The following EPS8 variants were observed in gnomAD, a reference collection of about 807,000 sequenced individuals.
The protein encoded by EPS8 is EGFR pathway substrate 8, signaling adaptor.
Under a neutral mutation model 103.8 loss-of-function variants are expected in EPS8, and 42 were observed. That is an observed-to-expected ratio of 0.40 (90% CI 0.32 to 0.52). The LOEUF is 0.52. Among genes scored for constraint, EPS8 ranks in the 20% least tolerant of loss-of-function variants. The pLI is 0.40. For synonymous variants in EPS8, 344 were observed against 344.6 expected (o/e 1.00, Z 0.02); for missense variants, 969 against 1,005.1 (o/e 0.96, Z 0.49).
At chr12:15,677,009 G>A (rs2135871831) in intron 3 of EPS8, among the ~76,000 whole-genome samples, 1 of 152,216 alleles carries the variant, frequency 6.6e-6, no homozygotes, top group South Asian at 2.1e-4. Flanking sequence ...GCATTATAGG[G>A]AGTGACATAT....
intron 13 of EPS8, among the ~76,000 whole-genome samples, chr12:15,652,557 A>C (rs1945433546): frequency 6.6e-6 from 1 of 152,174 alleles, no homozygotes; most frequent in African/African-American, 2.4e-5. Context: ...TGTACCCTGA[A>C]AATATGTACA....
At chr12:15,664,889 T>C (rs960105530) in intron 8 of EPS8, 1 of 152,160 alleles carries the variant, frequency 6.6e-6, no homozygotes, top group Admixed American at 6.5e-5. Flanking sequence ...ACATTTCAGA[T>C]TCTAGTAAAA....
intron 12 of EPS8, among the ~76,000 whole-genome samples, chr12:15,655,256 C>T (rs1400887293): frequency 6.6e-6 from 1 of 152,122 alleles, no homozygotes; most frequent in Non-Finnish European, 1.5e-5. Context: ...AGTGTAACTC[C>T]GATGTACCAC....
At chr12:15,644,652 C>T (rs577668595) in intron 15 of EPS8, among the ~76,000 whole-genome samples, 90 of 149,994 alleles carry the variant, frequency 6.0e-4, no homozygotes, top group Non-Finnish European at 9.3e-4. Flanking sequence ...GAGCCAAGAT[C>T]GCGCCACTGC....
At chr12:15,754,350 T>C (rs964295563) in intron 1 of EPS8, among the ~76,000 whole-genome samples, 4 of 152,172 alleles carry the variant, frequency 2.6e-5, no homozygotes, top group Non-Finnish European at 4.4e-5. Context: ...GTCATGAGCT[T>C]GGCAGGAAAG....
intron 15 of EPS8, among the ~76,000 whole-genome samples, chr12:15,642,061 A>G (rs900615208): frequency 6.6e-6 from 1 of 152,144 alleles, no homozygotes; most frequent in African/African-American, 2.4e-5. Context: ...TCACAAGGCC[A>G]GGTGGTACTT....
In EPS8 at chr12:15,725,918, G is replaced by A. The variant is rs941604075; in HGVS notation, c.-21-42946C>T. ...AGGTTTCTCTGTTTTACAAATACAGGTATAGATACACATATTAAAAGTGTA... is the reference window on the plus strand; with the variant it reads ...AGGTTTCTCTGTTTTACAAATACAGATATAGATACACATATTAAAAGTGTA... On this transcript the variant is annotated intron_variant, in intron 1 of 20. Transcript: ENST00000281172. This position sits in a 1 kb window ranked among gnomAD's most constrained non-coding sequence, Gnocchi z 4.5. 2.1e-4 allele frequency among the ~76,000 whole-genome samples: 32 copies of A among 152,010 alleles called. No individual in the cohort carries two copies. The highest frequency in any genetic ancestry group is 4.4e-4 in the Non-Finnish European group (30 of 67,992).
At chr12:15,654,623 G>A (rs181939019) in intron 12 of EPS8, among the ~76,000 whole-genome samples, 7 of 152,228 alleles carry the variant, frequency 4.6e-5, no homozygotes, top group Admixed American at 1.3e-4. Flanking sequence ...CTGTTTTGTT[G>A]TTGTTGTTTT....
intron 8 of EPS8, chr12:15,664,963 A>G (rs1945682175): frequency 6.6e-6 from 1 of 152,338 alleles, no homozygotes; most frequent in Non-Finnish European, 1.5e-5. Context: ...CAGAATGCCA[A>G]GGTGAAATGA....
rs369456309 is a variant in EPS8 at position 15,696,563 on chromosome 12, C to A, written c.-21-13591G>T. Among the ~76,000 whole-genome samples the A allele has an allele frequency of 3.9e-5, 6 of 152,144 alleles. No individual in the cohort carries two copies. Among genetic ancestry groups the A allele is most frequent in the Admixed American group, 1.3e-4 (2 of 15,264 alleles). On this transcript the variant is annotated intron_variant, in intron 1 of 20. Coordinates refer to ENST00000281172, the MANE Select transcript of EPS8 (RefSeq NM_004447.6). The surrounding 1 kb of genome is among the most constrained non-coding windows in gnomAD (Gnocchi z 4.8). Reference sequence around the variant, plus strand: ...GGCTAAGGCAGAAGAATTGCTTGAACCCAGGAGGCGGAGGTTGCAGTGAGC... The same window carrying A: ...GGCTAAGGCAGAAGAATTGCTTGAAACCAGGAGGCGGAGGTTGCAGTGAGC...
At chr12:15,719,041 G>A (rs10466860) in intron 1 of EPS8, among the ~76,000 whole-genome samples, 138,931 of 152,084 alleles carry the variant, frequency 0.91, 64,717 homozygotes, top group Non-Finnish European at 1. Flanking sequence ...AGGAAGGAAG[G>A]AAGAGAAAGG....
chr12:15,678,764 A>G (rs1945951993), intron 3 of EPS8, among the ~76,000 whole-genome samples: 1 of 152,006 alleles, frequency 6.6e-6, no homozygotes, highest in African/African-American at 2.4e-5. Flanking sequence ...AAATGAAAAA[A>G]TTAGCTGGGC....
intron 2 of EPS8, 148 bp downstream of exon 2, chr12:15,682,745 T>C (rs1465256336): frequency 1.2e-5 from 7 of 576,938 alleles, no homozygotes; most frequent in Non-Finnish European, 9.0e-6. Flanking sequence ...TTTAATAACA[T>C]GTGTTGTAAC....
chr12:15,664,958 T>C (rs1945682023), intron 8 of EPS8: 1 of 152,176 alleles, frequency 6.6e-6, no homozygotes, highest in Non-Finnish European at 1.5e-5. Context: ...TTAAACAGAA[T>C]GCCAAGGTGA....
chr12:15,726,926 G>A (rs1946659973), intron 1 of EPS8, among the ~76,000 whole-genome samples: 1 of 152,152 alleles, frequency 6.6e-6, no homozygotes, highest in South Asian at 2.1e-4. Flanking sequence ...TAAATAGAAA[G>A]CTATTTTCAT....
intron 3 of EPS8, among the ~76,000 whole-genome samples, chr12:15,679,601 A>G (rs1945969102): frequency 6.6e-6 from 1 of 152,170 alleles, no homozygotes; most frequent in African/African-American, 2.4e-5. Flanking sequence ...GAAGAACACA[A>G]TATAACTTTC....
intron 11 of EPS8, 151 bp from the exon 12 acceptor site, chr12:15,658,304 G>T: frequency 2.9e-6 from 2 of 684,486 alleles, no homozygotes; most frequent in Non-Finnish European, 5.0e-6. Context: ...AGAAGTCATT[G>T]TTTTTCAATC....
chr12:15,641,872 T>A (rs770584795), intron 15 of EPS8, 42 bp from the exon 16 acceptor site: 1 of 1,130,790 alleles, frequency 8.8e-7, no homozygotes, highest in Admixed American at 2.2e-5. Context: ...TGCTAGCTCT[T>A]CCTAAAGGAT....
At position 15,761,419 on chromosome 12, in the gene EPS8, A is replaced by T. The variant is rs1392195106; in HGVS notation, c.-22+27742T>A. On this transcript the variant is annotated intron_variant, in intron 1 of 20. Transcript: ENST00000281172. The surrounding 1 kb of genome is among the most constrained non-coding windows in gnomAD (Gnocchi z 4.5). ...AAAATATCCATGACATTCTTCACAG[A>T]AATAGAAAAAACAATCCTAAAATTT... is the stretch of plus-strand genomic sequence containing the variant. Among the ~76,000 whole-genome samples, 3 of 152,282 alleles carry T rather than the reference A, an allele frequency of 2.0e-5. No individual in the cohort carries two copies. The East Asian group carries it at 5.8e-4, about 29-fold the overall frequency.
Sources: gnomAD v4.1 joint callset for allele counts (sites outside exome capture counted in the v4.1 genomes callset) on GRCh38, gnomAD v4.1.1 for gene constraint, Gnocchi (gnomAD v3.1) non-coding constraint, MANE v1.5 for transcripts, NCBI Gene and HGNC (gene_info 2026-07-23, HGNC 2026-07-21) for gene names.